CUBN: variants seen among roughly 807,000 people sequenced by gnomAD.
CUBN encodes cubilin, also known as 460 kDa receptor.
A neutral mutation model predicts 405.3 loss-of-function variants in CUBN; 282 were observed. The ratio of observed to expected loss-of-function variants is 0.70; its 90% CI spans 0.63 to 0.77. CUBN has a LOEUF of 0.77. CUBN is among the 30% of genes least tolerant of loss of function. CUBN has a pLI of 0.00. For missense variants in CUBN, 4,514 were observed against 4,475.2 expected, an observed-to-expected ratio of 1.01 and a Z score of -0.25; for synonymous variants, 1,684 against 1,617.0, an observed-to-expected ratio of 1.04 and a Z score of -0.99.
intron 40 of CUBN, among the ~76,000 whole-genome samples, chr10:16,928,532 C>CTTG (rs1842272255): frequency 9.3e-6 from 1 of 107,122 alleles, no homozygotes; most frequent in Non-Finnish European, 1.9e-5. Flanking sequence ...CCACCCCCCC[C>CTTG]TTTTTTTTTT....
chr10:17,099,571 G>A (rs571102044), intron 14 of CUBN, among the ~76,000 whole-genome samples: 2 of 152,106 alleles, frequency 1.3e-5, no homozygotes, highest in East Asian at 3.9e-4. Flanking sequence ...AATTATGGTT[G>A]GTCACAGTGG....
At chr10:17,071,796 T>C in intron 18 of CUBN, 31 bp downstream of exon 18, 1 of 1,605,608 alleles carries the variant, frequency 6.2e-7, no homozygotes, top group Non-Finnish European at 8.5e-7. Flanking sequence ...ATCAGGCAAA[T>C]TAGACATTTA....
chr10:16,879,880 G>T (rs766744012), intron 56 of CUBN, among the ~76,000 whole-genome samples: 2 of 152,208 alleles, frequency 1.3e-5, no homozygotes, highest in Non-Finnish European at 2.9e-5. Context: ...ACTCTTGCAA[G>T]ATGGTGCAAC....
Position 16,851,327 on chromosome 10 carries a change from C to A in CUBN, c.9571G>T (p.Ala3191Ser). ...KNLNCVWIII[A>S]PVNKVIHLTF... ...AGGTGAATTACTTTGTTTACAGGTG[C>A]AATTATGATCCATACACAGTTTAAA... The change falls in exon 60 of 67, where the codon GCA (alanine) becomes TCA (serine). Residue 3191 changes from alanine (A) to serine (S), a missense_variant. Around this residue, in one of 5 missense-constraint regions of CUBN, gnomAD observed 1,186 missense variants for 1,186.9 expected, o/e 1.00. Coordinates refer to ENST00000377833, the MANE Select transcript of CUBN (RefSeq NM_001081.4). 1 of 1,614,068 alleles carries A rather than the reference C, an allele frequency of 6.2e-7. No homozygotes were observed. Among genetic ancestry groups the A allele is most frequent in the Non-Finnish European group, 8.5e-7 (1 of 1,179,946 alleles).
Position 16,825,062 on chromosome 10 carries a change from G to C in CUBN, c.10785C>G (p.Phe3595Leu), listed in dbSNP as rs750165391. 10 of 1,613,046 alleles carry C rather than the reference G, an allele frequency of 6.2e-6. 1 individual carries two copies. In the South Asian group the frequency reaches 1.1e-4, roughly 18 times the overall value. Residue 3595 changes from phenylalanine to leucine, a missense_variant, in exon 67 of 67, where the codon TTC (phenylalanine) becomes TTG (leucine). Transcript: ENST00000377833. Reference protein sequence around the residue: ...YCGGDTSIAPFVASSNQVFIK... With the variant: ...YCGGDTSIAPLVASSNQVFIK... ...TGAAGACCTGATTTGAGGAAGCCAC[G>C]AAGGGAGCTATGCTGGTGTCCTAAA...
At chr10:16,864,756 T>G (rs865841556) in intron 59 of CUBN, among the ~76,000 whole-genome samples, 1 of 150,598 alleles carries the variant, frequency 6.6e-6, no homozygotes, top group Non-Finnish European at 1.5e-5. Context: ...GTTCAAGCGA[T>G]TCTCCTGCCT....
chr10:16,862,835 G>A (rs139232989), intron 59 of CUBN, among the ~76,000 whole-genome samples: 1 of 152,150 alleles, frequency 6.6e-6, no homozygotes, highest in African/African-American at 2.4e-5. Flanking sequence ...CACATAATAA[G>A]TGCTTCTTCC....
chr10:17,105,616 T>C (rs1836610794), intron 10 of CUBN, 41 bp from the exon 11 acceptor site: 1 of 1,122,820 alleles, frequency 8.9e-7, no homozygotes. Flanking sequence ...ACAGGTCTCC[T>C]CCTCTGTTCG....
At chr10:16,886,752 G>A (rs908393359) in intron 56 of CUBN, among the ~76,000 whole-genome samples, 3 of 152,142 alleles carry the variant, frequency 2.0e-5, no homozygotes, top group Non-Finnish European at 2.9e-5. Context: ...AAGAAAGAAC[G>A]CCCAATGGTA....
At chr10:16,997,846 G>C (rs892535037) in intron 28 of CUBN, among the ~76,000 whole-genome samples, 1 of 152,130 alleles carries the variant, frequency 6.6e-6, no homozygotes, top group African/African-American at 2.4e-5. Flanking sequence ...ATAGGCATCT[G>C]TCCTACTAGG....
chr10:17,112,383 AAGC>A (rs1836791500), intron 8 of CUBN, among the ~76,000 whole-genome samples: 1 of 152,068 alleles, frequency 6.6e-6, no homozygotes, highest in African/African-American at 2.4e-5. Flanking sequence ...GATATTTTAT[AAGC>A]AGCATATATT....
At chr10:16,869,239 C>T (rs1481139463) in intron 59 of CUBN, among the ~76,000 whole-genome samples, 1 of 145,354 alleles carries the variant, frequency 6.9e-6, no homozygotes, top group Non-Finnish European at 1.5e-5. Flanking sequence ...GATTTTGGCC[C>T]ACTGCAACCT....
intron 31 of CUBN, 103 bp downstream of exon 31, chr10:16,982,381 C>T: frequency 1.9e-6 from 2 of 1,052,722 alleles, no homozygotes; most frequent in African/African-American, 1.5e-5. Flanking sequence ...TATGAATCGA[C>T]ATTAAAAACA....
chr10:16,844,896 T>C (rs944627538), intron 60 of CUBN, among the ~76,000 whole-genome samples: 1 of 152,224 alleles, frequency 6.6e-6, no homozygotes, highest in African/African-American at 2.4e-5. Flanking sequence ...ATCTACACCA[T>C]TATACGCAGC....
intron 54 of CUBN, among the ~76,000 whole-genome samples, chr10:16,895,125 C>T (rs967247097): frequency 3.9e-5 from 6 of 152,284 alleles, no homozygotes; most frequent in Non-Finnish European, 5.9e-5. Context: ...TCAGTTCTCT[C>T]CAGCTCAGCT....
Position 17,088,308 on chromosome 10 carries a change from A to G in CUBN, c.1803T>C (p.Ile601=). ...GGILTGPYGS[I]KSPGYPGNYP... is the part of the protein sequence containing the mutation. ...AGTTTCCAGGATACCCCGGAGACTTAATAGAACCGTAAGGACCAGTCAGGA... is the reference window on the plus strand; with the variant it reads ...AGTTTCCAGGATACCCCGGAGACTTGATAGAACCGTAAGGACCAGTCAGGA... The change falls in exon 15 of 67, where the codon ATT becomes ATC. Residue 601 remains isoleucine (I), a synonymous_variant. Transcript: ENST00000377833. 6.2e-7 allele frequency: 1 copy of G among 1,613,598 alleles called. No homozygotes were observed. Among genetic ancestry groups the G allele is most frequent in the South Asian group, 1.1e-5 (1 of 91,062 alleles).
At chr10:16,927,654 A>G (rs1270671742) in intron 41 of CUBN, among the ~76,000 whole-genome samples, 1 of 152,224 alleles carries the variant, frequency 6.6e-6, no homozygotes. Context: ...AGTCTCAATC[A>G]TACTGTGCAT....
intron 17 of CUBN, among the ~76,000 whole-genome samples, chr10:17,082,604 A>C (rs1265146294): frequency 6.6e-6 from 1 of 152,194 alleles, no homozygotes; most frequent in African/African-American, 2.4e-5. Context: ...TGCGTATCTG[A>C]GAAAATCATG....
chr10:16,913,725 T>C, intron 48 of CUBN, 86 bp downstream of exon 48: 2 of 1,516,668 alleles, frequency 1.3e-6, no homozygotes, highest in East Asian at 4.5e-5. Flanking sequence ...GCAATTTTCC[T>C]GACCTAGTTT....
Sources: allele counts gnomAD v4.1 joint callset (sites outside exome capture counted in the v4.1 genomes callset), GRCh38; gene constraint gnomAD v4.1.1; regional missense constraint gnomAD v4.1.1; transcripts MANE v1.5; gene names NCBI Gene and HGNC (gene_info 2026-07-23, HGNC 2026-07-21).